Variants in ZNF236 observed in about 807,000 individuals in gnomAD.
ZNF236 encodes the protein zinc finger protein 236, also known as regulated by glucose.
Under a neutral mutation model 191.2 loss-of-function variants are expected in ZNF236, and 50 were observed. That is an observed-to-expected ratio of 0.26 (90% CI 0.21 to 0.33). The LOEUF is 0.33. Ranked by LOEUF, ZNF236 falls within the 10% of genes least tolerant of loss-of-function variation. The pLI is 1.00. For missense variants in ZNF236, 1,754 were observed against 2,374.5 expected (o/e 0.74, Z 5.43); for synonymous variants, 907 against 928.8 (o/e 0.98, Z 0.43).
At chr18:76,962,361 G>A (rs1035681284) in intron 30 of ZNF236, among the ~76,000 whole-genome samples, 2 of 152,002 alleles carry the variant, frequency 1.3e-5, no homozygotes, top group African/African-American at 2.4e-5. Flanking sequence ...AGGATCAGTT[G>A]GCTATAAGTA....
At chr18:76,825,712 C>T (rs1291596241) in intron 1 of ZNF236, among the ~76,000 whole-genome samples, 1 of 152,102 alleles carries the variant, frequency 6.6e-6, no homozygotes, top group Non-Finnish European at 1.5e-5. Flanking sequence ...GTTTTAATTT[C>T]TAATAGGACA....
chr18:76,861,011 C>T (rs1191564030), intron 3 of ZNF236, among the ~76,000 whole-genome samples: 5 of 151,964 alleles, frequency 3.3e-5, no homozygotes, highest in African/African-American at 4.8e-5. Flanking sequence ...TCTGTGCTGC[C>T]GGAGGAAGGG....
At chr18:76,949,065 C>T (rs1968342426) in intron 27 of ZNF236, among the ~76,000 whole-genome samples, 1 of 152,208 alleles carries the variant, frequency 6.6e-6, no homozygotes, top group Non-Finnish European at 1.5e-5. Flanking sequence ...GTTGACCACA[C>T]ACATTCATTG....
At chr18:76,918,958 G>A (rs1967459367) in intron 19 of ZNF236, among the ~76,000 whole-genome samples, 1 of 152,186 alleles carries the variant, frequency 6.6e-6, no homozygotes, top group South Asian at 2.1e-4. Flanking sequence ...GGAAGGCACA[G>A]ATACAGAGGG....
intron 9 of ZNF236, among the ~76,000 whole-genome samples, chr18:76,882,789 C>T (rs1360964027): frequency 6.6e-6 from 1 of 152,196 alleles, no homozygotes; most frequent in Non-Finnish European, 1.5e-5. Context: ...CGCACAGTTT[C>T]CTGGTATCTG....
intron 25 of ZNF236, among the ~76,000 whole-genome samples, chr18:76,934,153 T>C (rs180842841): frequency 3.3e-4 from 51 of 152,346 alleles, no homozygotes; most frequent in Middle Eastern, 3.4e-3. Context: ...GGCTGTTTCA[T>C]CTTAATCGAA....
intron 13 of ZNF236, among the ~76,000 whole-genome samples, chr18:76,906,531 T>C (rs1032874295): frequency 6.6e-6 from 1 of 152,134 alleles, no homozygotes; most frequent in African/African-American, 2.4e-5. Context: ...AGAATGGAGC[T>C]TGGGCGCTTG....
At chr18:76,950,284 C>T (rs1968371947) in intron 27 of ZNF236, among the ~76,000 whole-genome samples, 1 of 152,174 alleles carries the variant, frequency 6.6e-6, no homozygotes, top group African/African-American at 2.4e-5. Flanking sequence ...CTCTCAAAGC[C>T]CACTGCTGCT....
intron 7 of ZNF236, 57 bp downstream of exon 7, chr18:76,878,209 A>G: frequency 1.3e-6 from 2 of 1,517,138 alleles, no homozygotes; most frequent in South Asian, 1.4e-5. Context: ...CATTTTAAAT[A>G]TGACCTTTAC....
chr18:76,882,722 A>C (rs1976933878), intron 9 of ZNF236, among the ~76,000 whole-genome samples: 1 of 152,104 alleles, frequency 6.6e-6, no homozygotes, highest in Non-Finnish European at 1.5e-5. Context: ...CTTCCCCTTG[A>C]TCTGGACTTC....
chr18:76,882,522 A>G (rs1976928039), intron 9 of ZNF236, among the ~76,000 whole-genome samples: 2 of 152,190 alleles, frequency 1.3e-5, no homozygotes, highest in South Asian at 4.1e-4. Context: ...AAAAAGACAG[A>G]TTCCTGTGTT....
At chr18:76,862,596 T>C (rs1231025451) in intron 3 of ZNF236, among the ~76,000 whole-genome samples, 1 of 152,022 alleles carries the variant, frequency 6.6e-6, no homozygotes, top group African/African-American at 2.4e-5. Context: ...AAGCAGGGAG[T>C]GTTCTGATTC....
At chr18:76,937,097 C>G (rs1968020558) in intron 25 of ZNF236, 59 bp from the exon 26 acceptor site, 2 of 1,539,642 alleles carry the variant, frequency 1.3e-6, no homozygotes, top group Admixed American at 3.4e-5. Context: ...CTCCCTATGC[C>G]CTTACACCTG....
intron 1 of ZNF236, among the ~76,000 whole-genome samples, chr18:76,847,125 C>T (rs1025652380): frequency 4.7e-5 from 7 of 149,866 alleles, no homozygotes; most frequent in African/African-American, 1.7e-4. Flanking sequence ...AATGTATAGT[C>T]CGTATCTCCT....
At position 76,881,493 on chromosome 18, in the gene ZNF236, G is replaced by C; in HGVS notation, c.1398G>C (p.Lys466Asn). Reference protein sequence around the residue: ...LDKKEKKMIKKKSPFLPGSIR... With the variant: ...LDKKEKKMIKNKSPFLPGSIR... ...AAAAAGAAAAAAAAATGATAAAGAAGAAGTCACCGTTTCTACCTGGTAATT... is the reference window on the plus strand; with the variant it reads ...AAAAAGAAAAAAAAATGATAAAGAACAAGTCACCGTTTCTACCTGGTAATT... Residue 466 changes from lysine to asparagine, a missense_variant, in exon 9 of 31, where the codon AAG (lysine) becomes AAC (asparagine). Physicochemically the swap from Lys to Asn is moderately conservative, Grantham distance 94. Around this residue, in one of 5 missense-constraint regions of ZNF236, gnomAD observed 126 missense variants for 110.9 expected, o/e 1.14. Transcript: ENST00000320610. 1 of 1,612,082 alleles carries C rather than the reference G, an allele frequency of 6.2e-7. No homozygotes were observed. The highest frequency in any genetic ancestry group is 8.5e-7 in the Non-Finnish European group (1 of 1,179,564).
Position 76,947,561 on chromosome 18 carries a change from C to T in ZNF236, c.4823C>T (p.Ser1608Leu), listed in dbSNP as rs748399601. Reference protein sequence around the residue: ...FPALLTDPSLSGQGGAGSPQV... With the variant: ...FPALLTDPSLLGQGGAGSPQV... ...GCGCTCCTCACGGATCCCTCTCTCT[C>T]GGGCCAGGGTGGAGCAGGCTCGCCG... is the stretch of plus-strand genomic sequence containing the variant. The change falls in exon 27 of 31, where the codon TCG (serine) becomes TTG (leucine). Residue 1608 changes from serine to leucine, a missense_variant. Ser to Leu is a moderately radical substitution (Grantham distance 145). Coordinates refer to ENST00000320610, the MANE Select transcript of ZNF236 (RefSeq NM_001306089.2). 42 of 1,613,924 alleles carry T rather than the reference C, an allele frequency of 2.6e-5. No individual in the cohort carries two copies. The highest frequency in any genetic ancestry group is 3.1e-5 in the Non-Finnish European group (37 of 1,179,992).
intron 9 of ZNF236, chr18:76,886,051 G>A (rs993191227): frequency 6.6e-6 from 1 of 152,180 alleles, no homozygotes; most frequent in African/African-American, 2.4e-5. Context: ...TTCCATCAGT[G>A]GAGTCTACAG....
intron 1 of ZNF236, among the ~76,000 whole-genome samples, chr18:76,844,403 G>A (rs1975616508): frequency 6.6e-6 from 1 of 152,124 alleles, no homozygotes; most frequent in Admixed American, 6.6e-5. Flanking sequence ...CCTGGCCAGG[G>A]GGCTGTTGTC....
chr18:76,890,997 A>AT (rs1476543758), intron 9 of ZNF236, among the ~76,000 whole-genome samples: 2 of 152,036 alleles, frequency 1.3e-5, no homozygotes, highest in East Asian at 1.9e-4. Flanking sequence ...TCTTAATAAC[A>AT]TTTTTTCTCT....
Sources: gnomAD v4.1 joint callset for allele counts (sites outside exome capture counted in the v4.1 genomes callset) on GRCh38, gnomAD v4.1.1 for gene constraint, gnomAD v4.1.1 regional missense constraint, MANE v1.5 for transcripts, NCBI Gene and HGNC (gene_info 2026-07-23, HGNC 2026-07-21) for gene names.